KLF16: variants seen among roughly 807,000 people sequenced by gnomAD.
KLF16 encodes the protein Krueppel-like factor 16.
A neutral mutation model predicts 6.1 loss-of-function variants in KLF16; 6 were observed. The ratio of observed to expected loss-of-function variants is 0.98; its 90% CI spans 0.54 to 1.93. The LOEUF (loss-of-function observed/expected upper bound fraction) is 1.93, where lower values mean the gene tolerates loss of function less well. KLF16 is among the 30% of genes most tolerant of loss of function. KLF16 has a pLI of 0.01. For missense variants in KLF16, 355 were observed against 363.8 expected (o/e 0.98, Z 0.20); for synonymous variants, 211 against 176.5 (o/e 1.20, Z -1.55).
Position 1,852,428 on chromosome 19 carries a change from A to C in KLF16, c.*2031T>G, listed in dbSNP as rs1231088964. On this transcript the variant is annotated 3_prime_UTR_variant, in exon 2 of 2. Transcript: ENST00000250916. Reference sequence around the variant, plus strand: ...GTTTAAAAAGGGGCTTGTTTAATTAATTAAATACAAGGATGAGGCCAGGCA... The same window carrying C: ...GTTTAAAAAGGGGCTTGTTTAATTACTTAAATACAAGGATGAGGCCAGGCA... 1.3e-5 allele frequency: 2 copies of C among 151,758 alleles called. No homozygotes were observed. The highest frequency in any genetic ancestry group is 2.9e-5 in the Non-Finnish European group (2 of 67,938). The allele number at this position is 151,758 out of a possible 1,614,324, so 9.4% of individuals were successfully genotyped here.
Position 1,854,692 on chromosome 19 carries a change from G to A in KLF16, c.526C>T (p.Arg176Cys). ...TCGCCCGTGTGCGTCCGGTGGTGGC[G>A]GGCCAGCTCGTCGGAGCGGGCGAAC... ...KKFARSDELA[R>C]HHRTHTGEKR... Residue 176 changes from arginine (R) to cysteine (C), a missense_variant, in exon 2 of 2, where the codon CGC becomes TGC. Arg to Cys is a radical substitution (Grantham distance 180). Coordinates refer to ENST00000250916, the MANE Select transcript of KLF16 (RefSeq NM_031918.4). The A allele has an allele frequency of 6.2e-7, 1 of 1,600,414 alleles. No homozygotes were observed. Among genetic ancestry groups the A allele is most frequent in the Non-Finnish European group, 8.5e-7 (1 of 1,179,586 alleles).
In KLF16 at chr19:1,857,383, G is replaced by C. The variant is rs1449605244; in HGVS notation, c.458-2623C>G. ...CTGCTCCGCGCTACCTGGCCGAGACGCAGCGCCCTGAGGATGCGGTGGGTG... is the reference window on the plus strand; with the variant it reads ...CTGCTCCGCGCTACCTGGCCGAGACCCAGCGCCCTGAGGATGCGGTGGGTG... On this transcript the variant is annotated intron_variant, in intron 1 of 1. Coordinates refer to ENST00000250916, the MANE Select transcript of KLF16 (RefSeq NM_031918.4). This position sits in a 1 kb window ranked among gnomAD's most constrained non-coding sequence, Gnocchi z 4.7. Among the ~76,000 whole-genome samples the C allele has an allele frequency of 6.6e-6, 1 of 152,238 alleles. No homozygotes were observed. Among genetic ancestry groups the C allele is most frequent in the Non-Finnish European group, 1.5e-5 (1 of 68,040 alleles).
the KLF16 span, among the ~76,000 whole-genome samples, chr19:1,870,224 C>T: frequency 6.6e-6 from 1 of 152,094 alleles, no homozygotes; most frequent in Admixed American, 6.5e-5. Flanking sequence ...GCCACCACAC[C>T]CGGCCAAAAC....
chr19:1,862,992 G>T (rs1258562940), intron 1 of KLF16, 49 bp downstream of exon 1: 14 of 1,165,680 alleles, frequency 1.2e-5, no homozygotes, highest in Non-Finnish European at 1.4e-5. Flanking sequence ...GCGGGGGAGG[G>T]GTCTCAGGCG....
the KLF16 span, among the ~76,000 whole-genome samples, chr19:1,874,363 C>T: frequency 6.6e-6 from 1 of 152,120 alleles, no homozygotes; most frequent in East Asian, 1.9e-4. Context: ...GACAGCACTT[C>T]AGTGGGGAAA....
upstream of KLF16, among the ~76,000 whole-genome samples, chr19:1,863,955 C>T (rs559768134): frequency 1.4e-5 from 2 of 146,464 alleles, no homozygotes; most frequent in Admixed American, 6.7e-5. Flanking sequence ...CGCGCGCCCC[C>T]GTACCCTTTC....
At chr19:1,865,178 G>A (rs760059036), upstream of KLF16, among the ~76,000 whole-genome samples, 30 of 152,210 alleles carry the variant, frequency 2.0e-4, no homozygotes, top group Non-Finnish European at 2.9e-4. Context: ...GAGAGAGGAG[G>A]TTCAGCGAAG....
intron 1 of KLF16, among the ~76,000 whole-genome samples, chr19:1,855,680 T>C (rs2011935799): frequency 6.6e-6 from 1 of 152,240 alleles, no homozygotes; most frequent in African/African-American, 2.4e-5. Flanking sequence ...AGCCGGGGTC[T>C]CACGCCCACA....
At chr19:1,868,436 G>A (rs1366175175), upstream of KLF16, among the ~76,000 whole-genome samples, 1 of 146,294 alleles carries the variant, frequency 6.8e-6, no homozygotes, top group Non-Finnish European at 1.5e-5. Context: ...GTGACCTCAG[G>A]AAGACAGGCA....
intron 1 of KLF16, among the ~76,000 whole-genome samples, chr19:1,858,904 C>T (rs2012007213): frequency 1.3e-5 from 2 of 152,090 alleles, no homozygotes; most frequent in African/African-American, 2.4e-5. Context: ...TCCTCCCCAC[C>T]GATCTGGGCT....
chr19:1,868,221 G>A (rs1329705114), upstream of KLF16, among the ~76,000 whole-genome samples: 2 of 152,098 alleles, frequency 1.3e-5, no homozygotes, highest in East Asian at 3.9e-4. Flanking sequence ...AGTGTGGGCT[G>A]GACTGAGGGA....
the KLF16 span, among the ~76,000 whole-genome samples, chr19:1,871,819 G>T: frequency 6.6e-6 from 1 of 152,076 alleles, no homozygotes; most frequent in Non-Finnish European, 1.5e-5. Flanking sequence ...GGGTCCTGCA[G>T]GGAGCATCTC....
chr19:1,865,083 G>A (rs900800976), upstream of KLF16, among the ~76,000 whole-genome samples: 1 of 152,198 alleles, frequency 6.6e-6, no homozygotes, highest in Non-Finnish European at 1.5e-5. Flanking sequence ...ACTGCGCCTG[G>A]GCTCAACCAT....
At chr19:1,869,585 C>G in the KLF16 span, among the ~76,000 whole-genome samples, 2 of 152,272 alleles carry the variant, frequency 1.3e-5, no homozygotes, top group Admixed American at 1.3e-4. Context: ...TTCTGTAGAC[C>G]TCAAACTATT....
chr19:1,863,476 C>T lies in KLF16; in HGVS notation c.22G>A (p.Val8Met). The change falls in exon 1 of 2, where the codon GTG becomes ATG. Residue 8 changes from valine to methionine, a missense_variant. Transcript: ENST00000250916. ...AGCACGTCGGCGGCGAAGTAATCCA[C>T]GCACGCCACGGCCGCCGACATGCCG... MSAAVAC[V>M]DYFAADVLMA... 1 of 1,040,412 alleles carries T rather than the reference C, an allele frequency of 9.6e-7. No individual in the cohort carries two copies. The highest frequency in any genetic ancestry group is 1.2e-6 in the Non-Finnish European group (1 of 862,034). The allele number at this position is 1,040,412 out of a possible 1,614,324, so 64.4% of individuals were successfully genotyped here. A position where few individuals can be genotyped will look rare whatever the true frequency, so the allele number is the denominator to read the frequency against.
At chr19:1,864,650 G>C (rs779032219), upstream of KLF16, among the ~76,000 whole-genome samples, 4 of 151,938 alleles carry the variant, frequency 2.6e-5, no homozygotes, top group African/African-American at 2.4e-5. Context: ...GGGGTCCGGG[G>C]CTTCTCTTTC....
chr19:1,864,372 TCA>T (rs1170643885), upstream of KLF16, among the ~76,000 whole-genome samples: 26 of 152,218 alleles, frequency 1.7e-4, no homozygotes, highest in Middle Eastern at 3.4e-3. Context: ...CCCTCGCCGC[TCA>T]CAGAGCCCCT....
intron 1 of KLF16, among the ~76,000 whole-genome samples, chr19:1,855,106 A>C (rs953929399): frequency 1.3e-5 from 2 of 152,118 alleles, no homozygotes; most frequent in African/African-American, 2.4e-5. Context: ...GGACCCTGGC[A>C]GGGATTAGCA....
In KLF16 at chr19:1,854,177, G is replaced by T; in HGVS notation, c.*282C>A. The T allele has an allele frequency of 5.3e-6, 2 of 375,054 alleles. No homozygotes were observed. Among genetic ancestry groups the T allele is most frequent in the Non-Finnish European group, 9.4e-6 (2 of 212,696 alleles). The allele number at this position is 375,054 out of a possible 1,614,324, so 23.2% of individuals were successfully genotyped here. ...GGGGGTGGTGGAGAGGAGAGGGGAG[G>T]ACCTCCTAGCTGCCCTGGGGGGGCC... On this transcript the variant is annotated 3_prime_UTR_variant, in exon 2 of 2. Transcript: ENST00000250916.
Sources: gnomAD v4.1 joint callset for allele counts (sites outside exome capture counted in the v4.1 genomes callset) on GRCh38, gnomAD v4.1.1 for gene constraint, Gnocchi (gnomAD v3.1) non-coding constraint, MANE v1.5 for transcripts, NCBI Gene and HGNC (gene_info 2026-07-23, HGNC 2026-07-21) for gene names.